FBXL13: variants seen among roughly 807,000 people sequenced by gnomAD.
The protein encoded by FBXL13 is F-box and leucine rich repeat protein 13.
FBXL13 carries 67 observed loss-of-function variants against 83.6 expected under a neutral mutation model. The observed-to-expected ratio is 0.80, with a 90% CI of 0.66 to 0.98. FBXL13 has a LOEUF of 0.98. Among genes scored for constraint, FBXL13 ranks in the 50% least tolerant of loss-of-function variants. The probability of loss-of-function intolerance (pLI) is 0.00; values close to 1 mark genes in which losing one functional copy is unlikely to be tolerated. For synonymous variants in FBXL13, 272 were observed against 299.5 expected (o/e 0.91, Z 0.95); for missense variants, 822 against 866.5 (o/e 0.95, Z 0.64).
chr7:102,951,375 C>A (rs147276336), intron 8 of FBXL13, among the ~76,000 whole-genome samples: 4 of 133,904 alleles, frequency 3.0e-5, no homozygotes, highest in Admixed American at 7.7e-5. Context: ...GACTCCATCT[C>A]TAAATAAATA....
chr7:103,046,142 C>T (rs1447706308), intron 2 of FBXL13, among the ~76,000 whole-genome samples: 1 of 152,180 alleles, frequency 6.6e-6, no homozygotes, highest in Non-Finnish European at 1.5e-5. Flanking sequence ...GATAAAGAGT[C>T]TACTTGCTTT....
At chr7:102,851,701 G>A (rs1476284680) in intron 17 of FBXL13, among the ~76,000 whole-genome samples, 1 of 151,674 alleles carries the variant, frequency 6.6e-6, no homozygotes, top group Non-Finnish European at 1.5e-5. Context: ...GTATTCCTAG[G>A]TTACTGCTTC....
At chr7:103,030,852 C>T (rs949269768) in intron 2 of FBXL13, among the ~76,000 whole-genome samples, 1 of 151,974 alleles carries the variant, frequency 6.6e-6, no homozygotes, top group African/African-American at 2.4e-5. Context: ...ATTTATAATA[C>T]ACCAGAATTT....
chr7:102,890,640 A>G (rs1315620675), intron 11 of FBXL13, among the ~76,000 whole-genome samples: 1 of 152,242 alleles, frequency 6.6e-6, no homozygotes. Context: ...AGTGCAAAGC[A>G]CAAAGGACTA....
chr7:102,853,236 C>T (rs1805526376), intron 17 of FBXL13, among the ~76,000 whole-genome samples: 1 of 152,046 alleles, frequency 6.6e-6, no homozygotes, highest in Non-Finnish European at 1.5e-5. Flanking sequence ...GTGTACACTG[C>T]TTAGGTGATG....
chr7:102,912,979 G>A, intron 11 of FBXL13, 107 bp downstream of exon 12: 1 of 1,408,296 alleles, frequency 7.1e-7, no homozygotes, highest in Non-Finnish European at 9.6e-7. Context: ...TCTGAAAAGT[G>A]TGCTGCGGTC....
At chr7:102,930,760 T>C (rs1819016979) in intron 9 of FBXL13, among the ~76,000 whole-genome samples, 1 of 152,146 alleles carries the variant, frequency 6.6e-6, no homozygotes, top group African/African-American at 2.4e-5. Context: ...TTCTCAAACC[T>C]TCTAAGTTGA....
At chr7:102,973,560 C>T in intron 6 of FBXL13, 1 of 765,170 alleles carries the variant, frequency 1.3e-6, no homozygotes, top group Non-Finnish European at 2.4e-6. Context: ...CTCCACACTG[C>T]CTCGTGTTGT....
chr7:103,042,636 A>AACAG (rs1424060884), intron 2 of FBXL13, among the ~76,000 whole-genome samples: 11 of 152,232 alleles, frequency 7.2e-5, no homozygotes, highest in Non-Finnish European at 1.6e-4. Context: ...AGACCAATGG[A>AACAG]ACAGAATAGA....
rs1038753081 is a variant in FBXL13, at chr7:102,960,717, G to A, written c.724+2816C>T. On this transcript the variant is annotated intron_variant, in intron 8 of 19. Transcript: ENST00000313221. ...ATAAATGTAATCCAGCATATAAACA[G>A]AGCCAAAGACAAAAACCACATGATT... Among the ~76,000 whole-genome samples, 15 of 151,718 alleles carry A rather than the reference G, an allele frequency of 9.9e-5. 1 individual carries two copies. Among genetic ancestry groups the A allele is most frequent in the African/African-American group, 3.1e-4 (13 of 41,480 alleles).
chr7:102,865,110 T>C (rs1807438735), intron 16 of FBXL13, among the ~76,000 whole-genome samples: 1 of 152,244 alleles, frequency 6.6e-6, no homozygotes, highest in Non-Finnish European at 1.5e-5. Context: ...TGACAATGAG[T>C]AAATATTTGT....
intron 16 of FBXL13, among the ~76,000 whole-genome samples, chr7:102,870,331 TC>T (rs1189920257): frequency 1.3e-5 from 2 of 152,188 alleles, no homozygotes; most frequent in African/African-American, 4.8e-5. Context: ...ATTTATGTTT[TC>T]TTAAAGAAAG....
At chr7:102,935,767 A>G (rs1820191730) in intron 8 of FBXL13, among the ~76,000 whole-genome samples, 1 of 152,210 alleles carries the variant, frequency 6.6e-6, no homozygotes, top group Non-Finnish European at 1.5e-5. Context: ...GCATGGTTTA[A>G]TAATTTATTT....
intron 2 of FBXL13, among the ~76,000 whole-genome samples, chr7:103,030,680 C>T (rs1794418646): frequency 6.6e-6 from 1 of 152,018 alleles, no homozygotes; most frequent in African/African-American, 2.4e-5. Context: ...GAATGTAGTT[C>T]AAAACATTAT....
At chr7:103,057,852 C>A (rs1408192864) in intron 1 of FBXL13, among the ~76,000 whole-genome samples, 1 of 152,214 alleles carries the variant, frequency 6.6e-6, no homozygotes, top group Non-Finnish European at 1.5e-5. Flanking sequence ...ATCGGCATTT[C>A]TCTTTCCCTT....
intron 6 of FBXL13, among the ~76,000 whole-genome samples, chr7:102,997,953 T>C (rs547573761): frequency 6.6e-6 from 1 of 152,206 alleles, no homozygotes; most frequent in African/African-American, 2.4e-5. Flanking sequence ...TGCTGGATCA[T>C]ATGGCAATTC....
At chr7:103,012,026 G>A (rs984960847) in intron 6 of FBXL13, among the ~76,000 whole-genome samples, 1 of 152,126 alleles carries the variant, frequency 6.6e-6, no homozygotes, top group African/African-American at 2.4e-5. Context: ...TGCTACAAAA[G>A]AAGGCCATCC....
intron 6 of FBXL13, among the ~76,000 whole-genome samples, chr7:103,023,974 G>C (rs1159275646): frequency 6.6e-6 from 1 of 152,116 alleles, no homozygotes; most frequent in African/African-American, 2.4e-5. Flanking sequence ...GGATCTACTT[G>C]AGGGTGGAGG....
chr7:103,051,931 T>C (rs1298316640), intron 2 of FBXL13, among the ~76,000 whole-genome samples: 1 of 152,046 alleles, frequency 6.6e-6, no homozygotes, highest in Non-Finnish European at 1.5e-5. Context: ...CCTAGTTAGG[T>C]TTTCAATCTT....
Sources: allele counts gnomAD v4.1 joint callset (sites outside exome capture counted in the v4.1 genomes callset), GRCh38; gene constraint gnomAD v4.1.1; transcripts MANE v1.5; gene names NCBI Gene and HGNC (gene_info 2026-07-23, HGNC 2026-07-21).